ZNF423: variants seen among roughly 807,000 people sequenced by gnomAD.
ZNF423 encodes Ebf-associated zinc finger protein.
Under a neutral mutation model 95.8 loss-of-function variants are expected in ZNF423, and 12 were observed. The observed-to-expected ratio is 0.13, with a 90% CI of 0.08 to 0.20. The LOEUF (loss-of-function observed/expected upper bound fraction) is 0.20, where lower values mean the gene tolerates loss of function less well. Ranked by LOEUF, ZNF423 falls within the 10% of genes least tolerant of loss-of-function variation. ZNF423 has a pLI of 1.00. For missense variants in ZNF423, 1,316 were observed against 1,737.1 expected, an observed-to-expected ratio of 0.76 and a Z score of 4.31; for synonymous variants, 749 against 711.9, an observed-to-expected ratio of 1.05 and a Z score of -0.83.
At position 49,637,211 on chromosome 16, in the gene ZNF423, G is replaced by T; in HGVS notation, c.1965C>A (p.Phe655Leu). 1 of 1,614,060 alleles carries T rather than the reference G, an allele frequency of 6.2e-7. No homozygotes were observed. The highest frequency in any genetic ancestry group is 8.5e-7 in the Non-Finnish European group (1 of 1,180,040). ...CCAGGTGCAGCTTCAGGTGGGTCTG[G>T]AAGCTCTCAAAGTTGGAGAACTTGA... ...CDLKFSNFES[F>L]QTHLKLHLEL... The change falls in exon 4 of 8, where the codon TTC becomes TTA. Residue 655 changes from phenylalanine (F) to leucine (L), a missense_variant. Coordinates refer to ENST00000563137, the MANE Select transcript of ZNF423 (RefSeq NM_001379286.1). This position sits in a 1 kb window ranked among gnomAD's most constrained non-coding sequence, Gnocchi z 5.6.
intron 5 of ZNF423, among the ~76,000 whole-genome samples, chr16:49,564,948 C>T (rs971258357): frequency 6.6e-6 from 1 of 152,204 alleles, no homozygotes; most frequent in African/African-American, 2.4e-5. Flanking sequence ...CCTCTCCCCA[C>T]TCTCCTGATT....
At position 49,709,337 on chromosome 16, in the gene ZNF423, G is replaced by A. The variant is rs562788943; in HGVS notation, c.301+21434C>T. 5.9e-5 allele frequency among the ~76,000 whole-genome samples: 9 copies of A among 152,040 alleles called. 1 individual carries two copies. Among genetic ancestry groups the A allele is most frequent in the African/African-American group, 2.2e-4 (9 of 41,472 alleles). Reference sequence around the variant, plus strand: ...TGCCACCCTGCTCGGTGTAACAGAGGCACACAAATCTGACTCTTCCCTGAA... The same window carrying A: ...TGCCACCCTGCTCGGTGTAACAGAGACACACAAATCTGACTCTTCCCTGAA... On this transcript the variant is annotated intron_variant, in intron 3 of 7. Transcript: ENST00000563137.
At chr16:49,581,787 A>G (rs1339698427) in intron 5 of ZNF423, among the ~76,000 whole-genome samples, 1 of 152,084 alleles carries the variant, frequency 6.6e-6, no homozygotes, top group Non-Finnish European at 1.5e-5. Context: ...TTTCAATCCT[A>G]TTAAGCAAGG....
rs147474490 is a variant in ZNF423, at chr16:49,517,257, A to G, written c.3849+6367T>C. Among the ~76,000 whole-genome samples, 40 of 152,236 alleles carry G rather than the reference A, an allele frequency of 2.6e-4. 1 individual carries two copies. In the East Asian group the frequency reaches 4.4e-3, roughly 17 times the overall value. The stretch of plus-strand genomic sequence containing the variant: ...TTAATTTCCCTTCTAGCTTGCGCCA[A>G]CTGCAGAGAGTGATGCCTGAGCCAT... On this transcript the variant is annotated intron_variant, in intron 7 of 7. Coordinates refer to ENST00000563137, the MANE Select transcript of ZNF423 (RefSeq NM_001379286.1).
At chr16:49,817,080 C>A (rs578103440) in intron 1 of ZNF423, among the ~76,000 whole-genome samples, 18 of 152,320 alleles carry the variant, frequency 1.2e-4, no homozygotes, top group African/African-American at 4.1e-4. Context: ...TGGTGTCTTT[C>A]CAGCAGAGAA....
At chr16:49,727,368 G>T (rs566571309) in intron 3 of ZNF423, among the ~76,000 whole-genome samples, 5 of 152,078 alleles carry the variant, frequency 3.3e-5, no homozygotes, top group Admixed American at 6.5e-5. Context: ...GGCCATTCTG[G>T]CATGAAGCTC....
At chr16:49,663,250 G>C (rs1221401505) in intron 3 of ZNF423, among the ~76,000 whole-genome samples, 1 of 152,128 alleles carries the variant, frequency 6.6e-6, no homozygotes, top group Non-Finnish European at 1.5e-5. Flanking sequence ...ATTTGCTTCT[G>C]AAACGCTGTG....
At chr16:49,624,661 G>C (rs989640095) in intron 5 of ZNF423, among the ~76,000 whole-genome samples, 10 of 152,198 alleles carry the variant, frequency 6.6e-5, no homozygotes, top group Non-Finnish European at 1.3e-4. Flanking sequence ...TGGTTGGCAT[G>C]CTCCTGTGAC....
Position 49,715,560 on chromosome 16 carries a change from C to T in ZNF423, c.301+15211G>A, listed in dbSNP as rs753447146. The stretch of plus-strand genomic sequence containing the variant: ...GTCTGAGACTAGCCTGGGTAACTTA[C>T]CAAGACCACATTTTTTCAAAATTAA... On this transcript the variant is annotated intron_variant, in intron 3 of 7. Coordinates refer to ENST00000563137, the MANE Select transcript of ZNF423 (RefSeq NM_001379286.1). 5.3e-5 allele frequency among the ~76,000 whole-genome samples: 8 copies of T among 151,394 alleles called. 1 individual carries two copies. The South Asian group carries it at 1.0e-3, about 20-fold the overall frequency.
chr16:49,815,081 G>GGCT (rs1325027297), intron 1 of ZNF423, among the ~76,000 whole-genome samples: 1 of 152,112 alleles, frequency 6.6e-6, no homozygotes, highest in Non-Finnish European at 1.5e-5. Flanking sequence ...CTCACAGCGG[G>GGCT]GCTCGGCCGC....
chr16:49,709,183 T>TATATATATATATATATATA (rs58833331), intron 3 of ZNF423, among the ~76,000 whole-genome samples: 2 of 145,316 alleles, frequency 1.4e-5, no homozygotes, highest in Admixed American at 6.9e-5. Context: ...TATATATATA[T>TATATATATATATATATATA]GAAAACGGAG....
chr16:49,796,478 G>A (rs2034500454), intron 1 of ZNF423, among the ~76,000 whole-genome samples: 1 of 152,244 alleles, frequency 6.6e-6, no homozygotes. Flanking sequence ...CTGGGCATGG[G>A]GTCTGGAAAA....
chr16:49,577,083 G>A (rs1970523009), intron 5 of ZNF423, among the ~76,000 whole-genome samples: 1 of 152,190 alleles, frequency 6.6e-6, no homozygotes, highest in African/African-American at 2.4e-5. Context: ...GAGGCAGTAA[G>A]GTTGGGTGTC....
intron 1 of ZNF423, among the ~76,000 whole-genome samples, chr16:49,832,273 G>A (rs2035068852): frequency 1.3e-5 from 2 of 152,216 alleles, no homozygotes; most frequent in African/African-American, 4.8e-5. Flanking sequence ...TGACCGAGCT[G>A]GGCGGCGATG....
chr16:49,814,983 G>C (rs1346867447), intron 1 of ZNF423, among the ~76,000 whole-genome samples: 1 of 152,110 alleles, frequency 6.6e-6, no homozygotes, highest in Non-Finnish European at 1.5e-5. Context: ...TTTCCCACAC[G>C]TGTGTCCTAG....
At chr16:49,529,961 G>C (rs1355905083) in intron 5 of ZNF423, among the ~76,000 whole-genome samples, 1 of 152,064 alleles carries the variant, frequency 6.6e-6, no homozygotes, top group East Asian at 1.9e-4. Flanking sequence ...ACCTGTCTAG[G>C]AGAAGACCAA....
intron 5 of ZNF423, among the ~76,000 whole-genome samples, chr16:49,594,857 C>A (rs765284658): frequency 6.6e-6 from 1 of 152,178 alleles, no homozygotes; most frequent in Non-Finnish European, 1.5e-5. Flanking sequence ...TCAGGAGCTA[C>A]GACAGGCACA....
chr16:49,759,543 G>A (rs544898211), intron 2 of ZNF423, among the ~76,000 whole-genome samples: 2 of 152,204 alleles, frequency 1.3e-5, no homozygotes, highest in African/African-American at 4.8e-5. Flanking sequence ...CAACCCTGGC[G>A]GGACCACAGC....
chr16:49,622,875 T>C (rs941621866), intron 5 of ZNF423, among the ~76,000 whole-genome samples: 1 of 152,152 alleles, frequency 6.6e-6, no homozygotes, highest in African/African-American at 2.4e-5. Context: ...CCTTATTCAA[T>C]GTGACCTCTT....
Sources: allele counts gnomAD v4.1 joint callset (sites outside exome capture counted in the v4.1 genomes callset), GRCh38; gene constraint gnomAD v4.1.1; non-coding constraint Gnocchi (gnomAD v3.1); transcripts MANE v1.5; gene names NCBI Gene and HGNC (gene_info 2026-07-23, HGNC 2026-07-21).